RAD21L1: variants seen among roughly 807,000 people sequenced by gnomAD.
RAD21L1 encodes the protein double-strand-break repair protein rad21-like protein 1.
Under a neutral mutation model 69.0 loss-of-function variants are expected in RAD21L1, and 47 were observed. That is an observed-to-expected ratio of 0.68 (90% confidence interval 0.54 to 0.87). The LOEUF (loss-of-function observed/expected upper bound fraction) is 0.87, where lower values mean the gene tolerates loss of function less well. RAD21L1 is among the 40% of genes least tolerant of loss of function. The pLI, the probability that RAD21L1 is intolerant of heterozygous loss-of-function variation, is 0.00. For missense variants in RAD21L1, 583 were observed against 647.6 expected (o/e 0.90, Z 1.08); for synonymous variants, 177 against 205.8 (o/e 0.86, Z 1.20).
At chr20:1,228,683 C>T (rs1568513875) in intron 2 of RAD21L1, 86 bp downstream of exon 2, 2 of 971,136 alleles carry the variant, frequency 2.1e-6, no homozygotes, top group Non-Finnish European at 2.9e-6. Flanking sequence ...TCATGAAATA[C>T]ATTTTCAAGG....
intron 13 of RAD21L1, among the ~76,000 whole-genome samples, chr20:1,251,784 G>T (rs1303371927): frequency 3.3e-5 from 5 of 150,714 alleles, no homozygotes; most frequent in Non-Finnish European, 7.4e-5. Flanking sequence ...TTTTTTCTTG[G>T]TTACTAACTA....
intron 9 of RAD21L1, 56 bp downstream of exon 9, chr20:1,242,901 A>C: frequency 8.8e-7 from 1 of 1,133,462 alleles, no homozygotes. Flanking sequence ...ATAAATAATA[A>C]ATAAATAAAT....
At chr20:1,237,513 C>CTT (rs11087027) in intron 5 of RAD21L1, among the ~76,000 whole-genome samples, 42 of 145,606 alleles carry the variant, frequency 2.9e-4, no homozygotes, top group African/African-American at 5.0e-4. Flanking sequence ...CTGGGTTTGT[C>CTT]TTTTTTTTTT....
chr20:1,235,358 G>GAGAAACCA (rs751098893), intron 5 of RAD21L1, among the ~76,000 whole-genome samples: 2 of 152,076 alleles, frequency 1.3e-5, no homozygotes, highest in African/African-American at 2.4e-5. Context: ...TGCCATATCT[G>GAGAAACCA]TAGCTGTGTT....
At chr20:1,244,644 T>A (rs1289171314) in intron 11 of RAD21L1, among the ~76,000 whole-genome samples, 1 of 152,194 alleles carries the variant, frequency 6.6e-6, no homozygotes, top group Non-Finnish European at 1.5e-5. Flanking sequence ...AACAAAATTT[T>A]AAAAACTTTT....
intron 13 of RAD21L1, 96 bp from the exon 14 acceptor site, chr20:1,254,173 T>A: frequency 1.3e-6 from 1 of 761,104 alleles, no homozygotes; most frequent in Non-Finnish European, 2.0e-6. Context: ...TTATCCAAAA[T>A]GTCAATATTT....
At chr20:1,254,236 C>T in intron 13 of RAD21L1, 33 bp from the exon 14 acceptor site, 10 of 1,368,636 alleles carry the variant, frequency 7.3e-6, no homozygotes, top group South Asian at 3.2e-5. Context: ...TCTTGTTTCC[C>T]ATTTCTTTTT....
intron 10 of RAD21L1, 109 bp from the exon 11 acceptor site, chr20:1,243,937 T>G: frequency 1.1e-6 from 1 of 932,932 alleles, no homozygotes; most frequent in Admixed American, 2.8e-5. Context: ...TTGCTTAAAT[T>G]CTTGGATCCC....
At chr20:1,251,479 T>G (rs1422622110) in intron 13 of RAD21L1, among the ~76,000 whole-genome samples, 1 of 151,856 alleles carries the variant, frequency 6.6e-6, no homozygotes, top group African/African-American at 2.4e-5. Context: ...GACTTTCTCC[T>G]TATTATTGTT....
chr20:1,227,903 A>G (rs2122755395), intron 1 of RAD21L1, among the ~76,000 whole-genome samples: 1 of 152,302 alleles, frequency 6.6e-6, no homozygotes, highest in East Asian at 1.9e-4. Flanking sequence ...TTAACTTCAA[A>G]AATTAAAATA....
At chr20:1,249,155 T>C (rs1035865020) in intron 13 of RAD21L1, among the ~76,000 whole-genome samples, 10 of 152,280 alleles carry the variant, frequency 6.6e-5, no homozygotes, top group African/African-American at 2.2e-4. Flanking sequence ...TATCCCTAAG[T>C]CCTGCTCACC....
intron 11 of RAD21L1, among the ~76,000 whole-genome samples, chr20:1,244,573 T>C (rs1413815744): frequency 6.6e-6 from 1 of 152,142 alleles, no homozygotes; most frequent in African/African-American, 2.4e-5. Context: ...GAATAATATA[T>C]TTTAGACCCA....
At chr20:1,250,234 TTTTC>T (rs2087800587) in intron 13 of RAD21L1, among the ~76,000 whole-genome samples, 1 of 151,214 alleles carries the variant, frequency 6.6e-6, no homozygotes, top group Non-Finnish European at 1.5e-5. Flanking sequence ...ATGTGCCACA[TTTTC>T]TTTCTTTTTT....
At chr20:1,251,889 T>A (rs1351199483) in intron 13 of RAD21L1, among the ~76,000 whole-genome samples, 2 of 152,328 alleles carry the variant, frequency 1.3e-5, no homozygotes, top group East Asian at 3.9e-4. Context: ...TGCAGTAAAC[T>A]ATTTATATTT....
chr20:1,233,650 G>A (rs763536191), intron 4 of RAD21L1, among the ~76,000 whole-genome samples: 12 of 152,098 alleles, frequency 7.9e-5, no homozygotes, highest in Non-Finnish European at 1.2e-4. Context: ...CCTTCTCACC[G>A]TATTCTCACA....
At position 1,254,436 on chromosome 20, in the gene RAD21L1, AC is replaced by A. The variant is rs2087897027; in HGVS notation, c.1649del (p.Pro550GlnfsTer23). On this transcript the variant is annotated frameshift_variant, in exon 14 of 14. Transcript: ENST00000683101. LOFTEE classifies it high-confidence loss of function. ...ATGCAGATATTATAGCTACGATGGG[AC>A]CAATGTTTTATAACATATGAAGGAA... ...PYADIIATMGPMFYNI is the reference protein window; with the variant it reads ...PYADIIATMGXMFYNI 1.3e-6 allele frequency: 2 copies of A among 1,537,046 alleles called. No homozygotes were observed. The highest frequency in any genetic ancestry group is 8.8e-7 in the Non-Finnish European group (1 of 1,139,164).
At chr20:1,241,266 G>C (rs182265041) in intron 8 of RAD21L1, among the ~76,000 whole-genome samples, 30 of 152,342 alleles carry the variant, frequency 2.0e-4, no homozygotes, top group African/African-American at 7.0e-4. Context: ...AAATAGTCAT[G>C]CAAGTGAATA....
chr20:1,248,564 G>T, intron 12 of RAD21L1, 62 bp from the exon 13 acceptor site: 3 of 912,240 alleles, frequency 3.3e-6, no homozygotes, highest in Non-Finnish European at 3.4e-6. Context: ...ACTATGATGG[G>T]CAAATAGTCA....
chr20:1,227,167 T>C (rs986326464), intron 1 of RAD21L1, among the ~76,000 whole-genome samples: 3 of 152,212 alleles, frequency 2.0e-5, no homozygotes, highest in Non-Finnish European at 4.4e-5. Flanking sequence ...CGCCTCAGCC[T>C]CCCACAGTGC....
Sources: allele counts gnomAD v4.1 joint callset (sites outside exome capture counted in the v4.1 genomes callset), GRCh38; gene constraint gnomAD v4.1.1; transcripts MANE v1.5; gene names NCBI Gene and HGNC (gene_info 2026-07-23, HGNC 2026-07-21).